The following DMGDH variants were observed in gnomAD, a reference collection of about 807,000 sequenced individuals.
DMGDH encodes dimethylglycine dehydrogenase, mitochondrial.
A neutral mutation model predicts 95.2 loss-of-function variants in DMGDH; 76 were observed. The observed-to-expected ratio is 0.80, with a 90% CI of 0.66 to 0.97. DMGDH has a LOEUF of 0.97. Among genes scored for constraint, DMGDH ranks in the 50% least tolerant of loss-of-function variants. The pLI is 0.00. For missense variants in DMGDH, 987 were observed against 1,055.0 expected (o/e 0.94, Z 0.89); for synonymous variants, 345 against 377.6 (o/e 0.91, Z 1.00).
At chr5:79,014,146 G>C (rs573280440) in intron 14 of DMGDH, among the ~76,000 whole-genome samples, 22 of 152,248 alleles carry the variant, frequency 1.4e-4, no homozygotes, top group African/African-American at 5.3e-4. Context: ...CACTAAAAAA[G>C]GGGGATAAAA....
intron 7 of DMGDH, 109 bp downstream of exon 7, chr5:79,042,170 TTCTC>T (rs149791973): frequency 1.3e-5 from 13 of 1,003,984 alleles, no homozygotes; most frequent in East Asian, 7.8e-5. Context: ...CTGTTTCTCT[TTCTC>T]TCTCTCTCAG....
chr5:79,036,742 A>G (rs1477902477), intron 7 of DMGDH, among the ~76,000 whole-genome samples: 1 of 152,194 alleles, frequency 6.6e-6, no homozygotes, highest in African/African-American at 2.4e-5. Context: ...TCTCCGGACC[A>G]CTAAATCAGA....
chr5:79,050,554 A>G (rs747958744), intron 5 of DMGDH, among the ~76,000 whole-genome samples: 2 of 152,166 alleles, frequency 1.3e-5, no homozygotes, highest in Non-Finnish European at 2.9e-5. Flanking sequence ...TTTATTTTGC[A>G]TGTGTGATAC....
At chr5:79,043,333 G>A (rs530545459) in intron 6 of DMGDH, among the ~76,000 whole-genome samples, 181 of 152,280 alleles carry the variant, frequency 1.2e-3, no homozygotes, top group Non-Finnish European at 2.3e-3. Flanking sequence ...GCCAGCATGG[G>A]GGAACAGCAG....
intron 2 of DMGDH, among the ~76,000 whole-genome samples, chr5:79,061,167 C>T (rs1011601820): frequency 3.3e-5 from 5 of 151,102 alleles, no homozygotes; most frequent in Non-Finnish European, 7.4e-5. Flanking sequence ...TGCAGTGAGT[C>T]ATGATCACGC....
At chr5:79,038,585 T>A (rs966927577) in intron 7 of DMGDH, among the ~76,000 whole-genome samples, 3 of 152,230 alleles carry the variant, frequency 2.0e-5, no homozygotes, top group African/African-American at 4.8e-5. Flanking sequence ...ATGGTCAATT[T>A]ATTTTTTATA....
rs549394222 is a variant in DMGDH at position 79,021,534 on chromosome 5, T to G, written c.2250+2737A>C. ...GCCACTGCGCCGTCTCCCTTTGTGATGAAAGAGTTCTTCAGTACTCCATTG... is the reference window on the plus strand; with the variant it reads ...GCCACTGCGCCGTCTCCCTTTGTGAGGAAAGAGTTCTTCAGTACTCCATTG... On this transcript the variant is annotated intron_variant, in intron 14 of 15. Transcript: ENST00000255189. 2.2e-4 allele frequency: 282 copies of G among 1,284,052 alleles called. 1 individual carries two copies. The African/African-American group carries it at 4.0e-3, about 18-fold the overall frequency. 79.5% of individuals were successfully genotyped at this position (1,284,052 alleles called of 1,614,324 possible). A position where few individuals can be genotyped will look rare whatever the true frequency, so the allele number is the denominator to read the frequency against.
chr5:79,032,722 G>A lies in DMGDH; in HGVS notation c.1482C>T (p.His494=), dbSNP rs949520858. 2.7e-5 allele frequency: 43 copies of A among 1,614,088 alleles called. No homozygotes were observed. Among genetic ancestry groups the A allele is most frequent in the Non-Finnish European group, 3.5e-5 (41 of 1,180,056 alleles). The change falls in exon 9 of 16, where the codon CAC becomes CAT. Residue 494 remains histidine, a synonymous_variant. Transcript: ENST00000255189. ...TGTCCTGGCCTGGTTTGTAGAACCA[G>A]TGCGGCTGCTCCCAGCCAGCATGGA... is the stretch of plus-strand genomic sequence containing the variant. ...MGFHAGWEQP[H]WFYKPGQDTQ...
intron 1 of DMGDH, among the ~76,000 whole-genome samples, chr5:79,065,530 G>A (rs966430265): frequency 3.3e-5 from 5 of 152,104 alleles, no homozygotes; most frequent in Admixed American, 2.0e-4. Flanking sequence ...CATGTCTTAT[G>A]ATAACAATGC....
At chr5:79,050,248 C>CAAAAAAAAAAAAAAAAAAAAAA (rs57662602) in intron 5 of DMGDH, among the ~76,000 whole-genome samples, 1 of 78,650 alleles carries the variant, frequency 1.3e-5, no homozygotes, top group African/African-American at 5.3e-5. Context: ...AACTTTGTCT[C>CAAAAAAAAAAAAAAAAAAAAAA]AAAAAAAAAA....
intron 5 of DMGDH, 108 bp from the exon 6 acceptor site, chr5:79,044,660 A>T (rs1230687450): frequency 7.9e-7 from 1 of 1,262,122 alleles, no homozygotes; most frequent in Non-Finnish European, 1.1e-6. Flanking sequence ...TTAAGTACTC[A>T]TGGCAAAGTC....
chr5:79,056,360 T>C (rs1272808612), intron 2 of DMGDH, among the ~76,000 whole-genome samples: 1 of 146,286 alleles, frequency 6.8e-6, no homozygotes, highest in African/African-American at 2.5e-5. Context: ...AAAATACAAA[T>C]GGTGAAACCC....
At chr5:79,055,979 T>C in intron 2 of DMGDH, 71 bp from the exon 3 acceptor site, 1 of 1,037,222 alleles carries the variant, frequency 9.6e-7, no homozygotes, top group South Asian at 1.3e-5. Flanking sequence ...GTTTATCTGT[T>C]AAGCAATAAT....
At chr5:79,052,169 C>T (rs567946136) in intron 4 of DMGDH, among the ~76,000 whole-genome samples, 2 of 152,298 alleles carry the variant, frequency 1.3e-5, no homozygotes, top group South Asian at 4.1e-4. Flanking sequence ...TCTATTTGGT[C>T]ATACTGCATA....
intron 14 of DMGDH, among the ~76,000 whole-genome samples, chr5:79,009,551 G>T (rs1299562697): frequency 1.3e-5 from 2 of 151,754 alleles, no homozygotes; most frequent in Admixed American, 1.3e-4. Context: ...ATAGAGATGG[G>T]GTTTTGCCAT....
chr5:79,015,178 T>C (rs924871207), intron 14 of DMGDH, among the ~76,000 whole-genome samples: 1 of 152,144 alleles, frequency 6.6e-6, no homozygotes, highest in African/African-American at 2.4e-5. Flanking sequence ...CTGTGTTTCC[T>C]AGTTAATCCA....
intron 7 of DMGDH, among the ~76,000 whole-genome samples, chr5:79,034,973 C>T (rs370147514): frequency 2.1e-5 from 3 of 142,776 alleles, no homozygotes; most frequent in Non-Finnish European, 4.5e-5. Flanking sequence ...AGGAGAATGG[C>T]ATGAACCTGG....
chr5:79,029,254 AG>A (rs1171330767), intron 11 of DMGDH, among the ~76,000 whole-genome samples: 2 of 152,234 alleles, frequency 1.3e-5, no homozygotes, highest in Non-Finnish European at 2.9e-5. Flanking sequence ...AGATGGTCCC[AG>A]TACATCTTGG....
chr5:79,010,205 AC>A (rs776219542), intron 14 of DMGDH, among the ~76,000 whole-genome samples: 1 of 152,174 alleles, frequency 6.6e-6, no homozygotes, highest in South Asian at 2.1e-4. Flanking sequence ...TATTAAAGGA[AC>A]CATATTACCT....
Sources: allele counts gnomAD v4.1 joint callset (sites outside exome capture counted in the v4.1 genomes callset), GRCh38; gene constraint gnomAD v4.1.1; transcripts MANE v1.5; gene names NCBI Gene and HGNC (gene_info 2026-07-23, HGNC 2026-07-21).